Variants in MS4A7 observed in about 807,000 individuals in gnomAD.
MS4A7 encodes the protein membrane spanning 4-domains A7.
MS4A7 carries 21 observed loss-of-function variants against 23.5 expected under a neutral mutation model. That is an observed-to-expected ratio of 0.89 (90% CI 0.63 to 1.29). The LOEUF (loss-of-function observed/expected upper bound fraction) is 1.29. Among genes scored for constraint, MS4A7 ranks in the 50% most tolerant of loss-of-function variants. The probability of loss-of-function intolerance (pLI) is 0.00; values close to 1 mark genes in which losing one functional copy is unlikely to be tolerated. For missense variants in MS4A7, 263 were observed against 274.2 expected, an observed-to-expected ratio of 0.96 and a Z score of 0.29; for synonymous variants, 111 against 107.4, an observed-to-expected ratio of 1.03 and a Z score of -0.21.
At chr11:60,386,284 A>G (rs1346975624) in intron 3 of MS4A7, among the ~76,000 whole-genome samples, 1 of 151,908 alleles carries the variant, frequency 6.6e-6, no homozygotes, top group Non-Finnish European at 1.5e-5. Context: ...TACACCAATA[A>G]CTTCCAGTCC....
chr11:60,380,571 G>A (rs796855802), intron 1 of MS4A7, among the ~76,000 whole-genome samples: 1 of 152,318 alleles, frequency 6.6e-6, no homozygotes, highest in African/African-American at 2.4e-5. Context: ...TGAGAATCAA[G>A]CATTTTCTGC....
intron 1 of MS4A7, among the ~76,000 whole-genome samples, chr11:60,379,378 T>C (rs928997498): frequency 6.6e-6 from 1 of 152,042 alleles, no homozygotes; most frequent in African/African-American, 2.4e-5. Context: ...AAAGAAAAAA[T>C]AGAAACCACC....
At chr11:60,386,158 C>A (rs1209917012) in intron 3 of MS4A7, among the ~76,000 whole-genome samples, 1 of 152,204 alleles carries the variant, frequency 6.6e-6, no homozygotes, top group African/African-American at 2.4e-5. Context: ...CCTCTGCCAG[C>A]TGGATCTTTA....
intron 3 of MS4A7, among the ~76,000 whole-genome samples, chr11:60,386,220 C>A (rs35397744): frequency 6.6e-6 from 1 of 152,050 alleles, no homozygotes; most frequent in Non-Finnish European, 1.5e-5. Context: ...AAAGACTTCA[C>A]GTCTGAGCCT....
At chr11:60,393,239 T>C (rs1009940036) in intron 6 of MS4A7, among the ~76,000 whole-genome samples, 3 of 152,194 alleles carry the variant, frequency 2.0e-5, no homozygotes, top group African/African-American at 4.8e-5. Context: ...ATGAAGCTAG[T>C]TGGTTTTAGA....
chr11:60,387,278 G>T (rs572584480), intron 4 of MS4A7, among the ~76,000 whole-genome samples: 6 of 152,268 alleles, frequency 3.9e-5, no homozygotes, highest in African/African-American at 1.4e-4. Context: ...CTCAGTTTTA[G>T]CCCAGAAAGC....
intron 5 of MS4A7, among the ~76,000 whole-genome samples, chr11:60,391,365 C>T (rs2085548119): frequency 6.6e-6 from 1 of 152,114 alleles, no homozygotes; most frequent in Non-Finnish European, 1.5e-5. Flanking sequence ...AAATCTAAAA[C>T]TACTATCTAA....
intron 6 of MS4A7, 53 bp from the exon 7 acceptor site, chr11:60,393,734 T>A (rs1014110445): frequency 6.9e-7 from 1 of 1,447,648 alleles, no homozygotes; most frequent in African/African-American, 1.4e-5. Context: ...AGTTATCTTT[T>A]TTAATCTCCG....
chr11:60,393,207 A>C (rs1744597213), intron 6 of MS4A7, among the ~76,000 whole-genome samples: 1 of 152,222 alleles, frequency 6.6e-6, no homozygotes, highest in Non-Finnish European at 1.5e-5. Flanking sequence ...TGGGAAGCAG[A>C]CCAGTTAGAG....
At chr11:60,385,265 T>C (rs780388335) in intron 3 of MS4A7, 43 bp downstream of exon 3, 27 of 1,611,700 alleles carry the variant, frequency 1.7e-5, no homozygotes, top group Non-Finnish European at 2.3e-5. Flanking sequence ...GCTTTATAAA[T>C]GCTAACCAGG....
chr11:60,380,757 A>T (rs141315853), intron 1 of MS4A7, among the ~76,000 whole-genome samples: 13 of 152,346 alleles, frequency 8.5e-5, no homozygotes, highest in African/African-American at 3.1e-4. Flanking sequence ...GAAATCTTCA[A>T]CCTATATTCC....
Position 60,394,846 on chromosome 11 carries a change from T to C in MS4A7, c.*985T>C. 1 of 472,214 alleles carries C rather than the reference T, an allele frequency of 2.1e-6. No homozygotes were observed. Among genetic ancestry groups the C allele is most frequent in the Non-Finnish European group, 3.7e-6 (1 of 268,902 alleles). The allele number at this position is 472,214 out of a possible 1,614,324, so 29.3% of individuals were successfully genotyped here. ...AATAAAAATAAAAATAGACTATATA[T>C]AGTCTTTGAATTCATTTATTTTAAA... On this transcript the variant is annotated 3_prime_UTR_variant, in exon 7 of 7. Coordinates refer to ENST00000300184, the MANE Select transcript of MS4A7 (RefSeq NM_021201.5).
At position 60,389,396 on chromosome 11, in the gene MS4A7, A is replaced by G; in HGVS notation, c.346A>G (p.Ser116Gly). 6.2e-7 allele frequency: 1 copy of G among 1,610,322 alleles called. No homozygotes were observed. Among genetic ancestry groups the G allele is most frequent in the Non-Finnish European group, 8.5e-7 (1 of 1,178,126 alleles). Residue 116 changes from serine to glycine, a missense_variant, in exon 5 of 7, where the codon AGC becomes GGC. Ser to Gly is a moderately conservative substitution (Grantham distance 56). Coordinates refer to ENST00000300184, the MANE Select transcript of MS4A7 (RefSeq NM_021201.5). ...GKQSTKPFDL[S>G]SLTSNAVSSV... Reference sequence around the variant, plus strand: ...TGCAGAGTTTCTCTTCCAGGACCTGAGCAGCTTGACCTCAAATGCAGTGAG... The same window carrying G: ...TGCAGAGTTTCTCTTCCAGGACCTGGGCAGCTTGACCTCAAATGCAGTGAG...
chr11:60,379,833 C>A (rs2085410898), intron 1 of MS4A7, among the ~76,000 whole-genome samples: 2 of 152,178 alleles, frequency 1.3e-5, no homozygotes, highest in South Asian at 4.1e-4. Flanking sequence ...CTGCACCCAG[C>A]CTTAACCATT....
chr11:60,389,483 G>A lies in MS4A7; in HGVS notation c.433G>A (p.Ala145Thr), dbSNP rs1161753953. The change falls in exon 5 of 7, where the codon GCC (alanine) becomes ACC (threonine). Residue 145 changes from alanine (A) to threonine (T), a missense_variant. Ala to Thr is a moderately conservative substitution (Grantham distance 58). Coordinates refer to ENST00000300184, the MANE Select transcript of MS4A7 (RefSeq NM_021201.5). Reference protein sequence around the residue: ...LADSMVALRTASQHCGSEMDY... With the variant: ...LADSMVALRTTSQHCGSEMDY... ...TGACAGCATGGTAGCCCTGAGGACT[G>A]CCTCTCAACATTGTGGCTCAGAAAT... The A allele has an allele frequency of 1.2e-6, 2 of 1,614,054 alleles. No individual in the cohort carries two copies. Among genetic ancestry groups the A allele is most frequent in the Non-Finnish European group, 1.7e-6 (2 of 1,179,896 alleles).
In MS4A7 at chr11:60,389,481, C is replaced by G. The variant is rs778777996; in HGVS notation, c.431C>G (p.Thr144Ser). 6.2e-7 allele frequency: 1 copy of G among 1,614,002 alleles called. No homozygotes were observed. Among genetic ancestry groups the G allele is most frequent in the Non-Finnish European group, 8.5e-7 (1 of 1,179,976 alleles). ...GCTGACAGCATGGTAGCCCTGAGGA[C>G]TGCCTCTCAACATTGTGGCTCAGAA... The part of the protein sequence containing the change: ...LLADSMVALR[T>S]ASQHCGSEMD... The change falls in exon 5 of 7, where the codon ACT becomes AGT. Residue 144 changes from threonine (T) to serine (S), a missense_variant. Physicochemically the swap from Thr to Ser is moderately conservative, Grantham distance 58. Coordinates refer to ENST00000300184, the MANE Select transcript of MS4A7 (RefSeq NM_021201.5).
intron 4 of MS4A7, among the ~76,000 whole-genome samples, chr11:60,388,051 G>A (rs1404253765): frequency 6.6e-6 from 1 of 152,226 alleles, no homozygotes; most frequent in East Asian, 1.9e-4. Flanking sequence ...AAGGATGGTT[G>A]TCCTGCCCTT....
intron 5 of MS4A7, 97 bp from the exon 6 acceptor site, chr11:60,392,588 T>C: frequency 1.2e-6 from 1 of 821,264 alleles, no homozygotes; most frequent in South Asian, 1.6e-5. Context: ...TGTCTCCTTT[T>C]CTCTGCATTG....
rs779961912 is a variant in MS4A7, at chr11:60,389,580, C to T, written c.530C>T (p.Thr177Ile). The change falls in exon 5 of 7, where the codon ACC becomes ATC. Residue 177 changes from threonine to isoleucine, a missense_variant. By Grantham distance (89) the Thr-to-Ile change is moderately conservative. Transcript: ENST00000300184. The stretch of plus-strand genomic sequence containing the variant: ...TATGAAATCAAAGATTGTCTCCTGA[C>T]CAGTGTCAGTTTAACAGTGAGTAGT... Reference protein sequence around the residue: ...PIYEIKDCLLTSVSLTGVLVV... With the variant: ...PIYEIKDCLLISVSLTGVLVV... The T allele has an allele frequency of 6.2e-7, 1 of 1,613,574 alleles. No homozygotes were observed. Among genetic ancestry groups the T allele is most frequent in the South Asian group, 1.1e-5 (1 of 91,068 alleles).
Sources: allele counts gnomAD v4.1 joint callset (sites outside exome capture counted in the v4.1 genomes callset), GRCh38; gene constraint gnomAD v4.1.1; transcripts MANE v1.5; gene names NCBI Gene and HGNC (gene_info 2026-07-23, HGNC 2026-07-21).